The following IL1RAPL2 variants were observed in gnomAD, a reference collection of about 807,000 sequenced individuals.
The protein encoded by IL1RAPL2 is interleukin 1 receptor accessory protein like 2.
A neutral mutation model predicts 44.1 loss-of-function variants in IL1RAPL2; 3 were observed. The observed-to-expected ratio is 0.07, with a 90% CI of 0.03 to 0.18. The LOEUF is 0.18. Ranked by LOEUF, IL1RAPL2 falls within the 10% of genes least tolerant of loss-of-function variation. The pLI is 1.00. For synonymous variants in IL1RAPL2, 181 were observed against 178.8 expected (o/e 1.01, Z -0.10); for missense variants, 391 against 496.4 (o/e 0.79, Z 2.02).
chrX:105,346,896 A>G (rs1187491290), intron 5 of IL1RAPL2, among the ~76,000 whole-genome samples: 2 of 112,019 alleles, frequency 1.8e-5, no homozygotes, highest in Non-Finnish European at 3.8e-5. Flanking sequence ...GTTGAAAGGG[A>G]CAATTTTAAA....
At chrX:104,803,155 G>T (rs1328355774) in intron 2 of IL1RAPL2, among the ~76,000 whole-genome samples, 1 of 111,852 alleles carries the variant, frequency 8.9e-6, no homozygotes, top group African/African-American at 3.2e-5. Context: ...AGCTGTCCTT[G>T]CAGGAGGTAA....
intron 2 of IL1RAPL2, among the ~76,000 whole-genome samples, chrX:104,879,365 T>TAAAAAAAAA (rs753494292): frequency 3.9e-4 from 12 of 31,031 alleles, no homozygotes; most frequent in African/African-American, 1.7e-3. Flanking sequence ...GCAAAACTAG[T>TAAAAAAAAA]AAAAAAAAAA....
intron 1 of IL1RAPL2, among the ~76,000 whole-genome samples, chrX:104,567,938 C>T (rs1680174414): frequency 8.9e-6 from 1 of 112,444 alleles, no homozygotes; most frequent in Non-Finnish European, 1.9e-5. Context: ...TCCCTGCAGC[C>T]ATCCCCTCTC....
chrX:104,844,345 G>A (rs1451226844), intron 2 of IL1RAPL2, among the ~76,000 whole-genome samples: 2 of 111,461 alleles, frequency 1.8e-5, no homozygotes, highest in Non-Finnish European at 3.8e-5. Flanking sequence ...AGTTCTGAGG[G>A]AGGTTGGGTA....
chrX:105,517,033 G>A (rs182776467), intron 6 of IL1RAPL2, among the ~76,000 whole-genome samples: 75 of 111,495 alleles, frequency 6.7e-4, no homozygotes, highest in African/African-American at 2.3e-3. Flanking sequence ...AGAACAGGGT[G>A]TGTTTCCACT....
intron 6 of IL1RAPL2, among the ~76,000 whole-genome samples, chrX:105,624,191 TA>T (rs1162403064): frequency 9.0e-6 from 1 of 111,369 alleles, no homozygotes; most frequent in Non-Finnish European, 1.9e-5. Flanking sequence ...AGAATGACTC[TA>T]AATGAAGTTG....
chrX:105,419,053 G>A (rs1458106103), intron 5 of IL1RAPL2, among the ~76,000 whole-genome samples: 3 of 111,901 alleles, frequency 2.7e-5, no homozygotes, highest in African/African-American at 9.7e-5. Context: ...ATATTTAAGT[G>A]CTTTGAAAAT....
chrX:104,915,826 A>G, intron 2 of IL1RAPL2, among the ~76,000 whole-genome samples: 1 of 111,744 alleles, frequency 8.9e-6, no homozygotes, highest in East Asian at 2.8e-4. Flanking sequence ...TAAATAGGGA[A>G]TCCTTCCCCC....
chrX:105,765,734 A>G (rs1273012211), intron 10 of IL1RAPL2, among the ~76,000 whole-genome samples: 1 of 112,997 alleles, frequency 8.8e-6, no homozygotes, highest in Non-Finnish European at 1.9e-5. Context: ...ACCTTAGAAA[A>G]GAGAGAGCAT....
chrX:105,630,500 C>CTT (rs369815453), intron 6 of IL1RAPL2, among the ~76,000 whole-genome samples: 41,926 of 92,562 alleles, frequency 0.45, 8,919 homozygotes, highest in African/African-American at 0.73. Context: ...AAATTCAGAG[C>CTT]TTTTTTTTTT....
At chrX:105,287,610 GT>G (rs2034581173) in intron 5 of IL1RAPL2, among the ~76,000 whole-genome samples, 1 of 111,751 alleles carries the variant, frequency 8.9e-6, no homozygotes, top group African/African-American at 3.3e-5. Context: ...AGAGGTGATA[GT>G]AACTTGGACT....
intron 2 of IL1RAPL2, among the ~76,000 whole-genome samples, chrX:104,659,526 G>T (rs1451827127): frequency 8.9e-6 from 1 of 111,982 alleles, no homozygotes; most frequent in Non-Finnish European, 1.9e-5. Context: ...TGTTGGTCTG[G>T]CAGGCAGCCA....
chrX:104,853,902 C>CAAAAA (rs11364619), intron 2 of IL1RAPL2, among the ~76,000 whole-genome samples: 1 of 43,740 alleles, frequency 2.3e-5, no homozygotes, highest in African/African-American at 8.8e-5. Flanking sequence ...GACTCCGTCT[C>CAAAAA]AAAAAAAAAA....
At chrX:104,906,979 C>A (rs1333333669) in intron 2 of IL1RAPL2, among the ~76,000 whole-genome samples, 2 of 111,262 alleles carry the variant, frequency 1.8e-5, no homozygotes, top group African/African-American at 6.5e-5. Flanking sequence ...ACAATTTCAG[C>A]TCCTGTTATT....
At chrX:105,374,373 A>G (rs1014711275) in intron 5 of IL1RAPL2, among the ~76,000 whole-genome samples, 1 of 111,220 alleles carries the variant, frequency 9.0e-6, no homozygotes, top group Non-Finnish European at 1.9e-5. Flanking sequence ...TAATTCTGTG[A>G]AGAATATCAT....
chrX:105,146,493 T>C (rs1039491269), intron 2 of IL1RAPL2, among the ~76,000 whole-genome samples: 1 of 112,023 alleles, frequency 8.9e-6, no homozygotes, highest in African/African-American at 3.2e-5. Context: ...ATTTGTATCT[T>C]ATACTAAAGA....
chrX:105,415,599 A>G (rs1431926367), intron 5 of IL1RAPL2, among the ~76,000 whole-genome samples: 1 of 111,174 alleles, frequency 9.0e-6, no homozygotes, highest in Non-Finnish European at 1.9e-5. Context: ...TTAGAAATTT[A>G]TTTTTCCCTG....
chrX:105,150,703 C>T (rs978588360), intron 2 of IL1RAPL2, among the ~76,000 whole-genome samples: 2 of 111,648 alleles, frequency 1.8e-5, no homozygotes, highest in Admixed American at 9.6e-5. Flanking sequence ...GGCTTTGGCA[C>T]GCAATCTGTC....
intron 6 of IL1RAPL2, among the ~76,000 whole-genome samples, chrX:105,628,174 TTC>T (rs1491272158): frequency 3.6e-5 from 4 of 111,845 alleles, no homozygotes; most frequent in African/African-American, 1.3e-4. Context: ...TTCATTTTTT[TTC>T]TTTTTCTTTT....
Sources: allele counts gnomAD v4.1 joint callset (sites outside exome capture counted in the v4.1 genomes callset), GRCh38; gene constraint gnomAD v4.1.1; transcripts MANE v1.5; gene names NCBI Gene and HGNC (gene_info 2026-07-23, HGNC 2026-07-21).